The following SLC36A2 variants were observed in gnomAD, a reference collection of about 807,000 sequenced individuals.
SLC36A2 encodes solute carrier family 36 member 2, also known as proton-coupled amino acid transporter 2.
Under a neutral mutation model 42.7 loss-of-function variants are expected in SLC36A2, and 39 were observed. The observed-to-expected ratio is 0.91, with a 90% confidence interval of 0.71 to 1.19. The LOEUF (loss-of-function observed/expected upper bound fraction) is 1.19. Among genes scored for constraint, SLC36A2 ranks in the 50% most tolerant of loss-of-function variants. SLC36A2 has a pLI of 0.00. For missense variants in SLC36A2, 590 were observed against 613.7 expected, an observed-to-expected ratio of 0.96 and a Z score of 0.41; for synonymous variants, 237 against 240.8, an observed-to-expected ratio of 0.98 and a Z score of 0.15.
rs1361190666 is a variant in SLC36A2, at chr5:151,316,867, T to A, written c.1402A>T (p.Lys468Ter). 6.2e-7 allele frequency: 1 copy of A among 1,613,918 alleles called. No individual in the cohort carries two copies. Among genetic ancestry groups the A allele is most frequent in the East Asian group, 2.2e-5 (1 of 44,894 alleles). ...GAAAAGGGGTGAGAGTCTTCTGACT[T>A]GAGCAGCTCGTCCAGGGCCTGGTAG... ...GTYQALDELL[K>*]SEDSHPFSNS... The change falls in exon 10 of 10, where the codon AAG becomes TAG. Residue 468 changes from lysine to a stop codon, truncating the protein, a stop_gained. Coordinates refer to ENST00000335244, the MANE Select transcript of SLC36A2 (RefSeq NM_181776.3). LOFTEE classifies it low-confidence loss of function (END_TRUNC).
At chr5:151,320,081 T>A (rs1755638697) in intron 9 of SLC36A2, among the ~76,000 whole-genome samples, 1 of 152,108 alleles carries the variant, frequency 6.6e-6, no homozygotes, top group Non-Finnish European at 1.5e-5. Context: ...GACTTTTTCT[T>A]TCTTTTTTCT....
intron 7 of SLC36A2, among the ~76,000 whole-genome samples, chr5:151,328,306 G>A (rs1755904204): frequency 6.6e-6 from 1 of 152,168 alleles, no homozygotes; most frequent in Non-Finnish European, 1.5e-5. Context: ...AATAGTAGCA[G>A]GCAGAATGGG....
At chr5:151,320,198 T>C (rs538216567) in intron 9 of SLC36A2, among the ~76,000 whole-genome samples, 65 of 152,306 alleles carry the variant, frequency 4.3e-4, no homozygotes, top group African/African-American at 1.5e-3. Context: ...TAAATGGTTA[T>C]TTGTAATCTG....
intron 9 of SLC36A2, among the ~76,000 whole-genome samples, chr5:151,320,263 T>C (rs1489126506): frequency 6.6e-6 from 1 of 152,192 alleles, no homozygotes; most frequent in African/African-American, 2.4e-5. Flanking sequence ...GTTAGAATAA[T>C]GAATACTAGC....
chr5:151,332,566 A>C (rs560762003), intron 7 of SLC36A2: 2 of 380,682 alleles, frequency 5.3e-6, no homozygotes, highest in Middle Eastern at 7.3e-4. Context: ...GTGCAACAGC[A>C]TGGACGAATT....
At chr5:151,323,948 C>T (rs1051490119) in intron 8 of SLC36A2, among the ~76,000 whole-genome samples, 4 of 152,150 alleles carry the variant, frequency 2.6e-5, no homozygotes, top group Admixed American at 1.3e-4. Context: ...TGTGACTGTC[C>T]GCTTGAGAAG....
At chr5:151,319,580 G>A (rs1393273208) in intron 9 of SLC36A2, 2 of 153,912 alleles carry the variant, frequency 1.3e-5, no homozygotes, top group East Asian at 1.9e-4. Flanking sequence ...GCCTGCAGAG[G>A]GAGAAAGAGT....
intron 9 of SLC36A2, among the ~76,000 whole-genome samples, chr5:151,318,308 A>G (rs1307985293): frequency 6.6e-6 from 1 of 151,654 alleles, no homozygotes; most frequent in Non-Finnish European, 1.5e-5. Context: ...AGCTGTTTGG[A>G]ATATATCAAT....
At chr5:151,332,466 C>T (rs1179962938) in intron 7 of SLC36A2, 1 of 455,810 alleles carries the variant, frequency 2.2e-6, no homozygotes, top group Non-Finnish European at 4.4e-6. Flanking sequence ...CTAGAAACAA[C>T]CCAAATGTTC....
chr5:151,318,530 AT>A (rs1561649160), intron 9 of SLC36A2, among the ~76,000 whole-genome samples: 33 of 143,696 alleles, frequency 2.3e-4, no homozygotes, highest in Non-Finnish European at 3.5e-4. Flanking sequence ...AAATATAATA[AT>A]TATTTATAAA....
chr5:151,326,871 G>A (rs761988560), intron 7 of SLC36A2, among the ~76,000 whole-genome samples: 30 of 147,532 alleles, frequency 2.0e-4, no homozygotes, highest in African/African-American at 7.5e-4. Flanking sequence ...GAGTGCAGTA[G>A]TACAATCACA....
In SLC36A2 at chr5:151,315,081, A is replaced by C. The variant is rs562786488; in HGVS notation, c.*1736T>G. 6.5e-6 allele frequency: 1 copy of C among 152,758 alleles called. No individual in the cohort carries two copies. Among genetic ancestry groups the C allele is most frequent in the South Asian group, 2.1e-4 (1 of 4,820 alleles). 9.5% of individuals were successfully genotyped at this position (152,758 alleles called of 1,614,324 possible). On this transcript the variant is annotated 3_prime_UTR_variant, in exon 10 of 10. Coordinates refer to ENST00000335244, the MANE Select transcript of SLC36A2 (RefSeq NM_181776.3). The stretch of plus-strand genomic sequence containing the variant: ...TGACTGGGGTTGGATATAGTCTAGG[A>C]TGGCTTTACTCGTGTCTGGAAGTTG...
At chr5:151,336,115 C>T (rs985375883) in intron 5 of SLC36A2, among the ~76,000 whole-genome samples, 3 of 152,262 alleles carry the variant, frequency 2.0e-5, no homozygotes, top group African/African-American at 7.2e-5. Flanking sequence ...ATCCATTTCT[C>T]CTGATACCAA....
intron 1 of SLC36A2, 39 bp from the exon 2 acceptor site, chr5:151,344,306 G>T: frequency 6.5e-7 from 1 of 1,540,734 alleles, no homozygotes; most frequent in Non-Finnish European, 9.0e-7. Context: ...TGGGTGTGTG[G>T]AGGTGAGAAG....
rs1756027928 is a variant in SLC36A2 at position 151,332,542 on chromosome 5, G to A, written c.843+682C>T. The A allele has an allele frequency of 7.0e-6, 3 of 427,930 alleles. No homozygotes were observed. The Admixed American group carries it at 8.2e-5, about 12-fold the overall frequency. The allele number at this position is 427,930 out of a possible 1,614,324, so 26.5% of individuals were successfully genotyped here. A position where few individuals can be genotyped will look rare whatever the true frequency, so the allele number is the denominator to read the frequency against. The stretch of plus-strand genomic sequence containing the variant: ...GTGGACGCTCTGCAATAGAAAGCAA[G>A]GTGTTATTGATGTGTGCAACAGCAT... On this transcript the variant is annotated intron_variant, in intron 7 of 9. Transcript: ENST00000335244.
At chr5:151,344,025 T>G (rs777920885) in intron 2 of SLC36A2, 152 bp downstream of exon 2, 26 of 753,782 alleles carry the variant, frequency 3.4e-5, no homozygotes, top group Non-Finnish European at 4.6e-5. Flanking sequence ...GAGCCGGAAC[T>G]CAAACCCAGG....
intron 5 of SLC36A2, among the ~76,000 whole-genome samples, chr5:151,337,621 C>A (rs192772553): frequency 1.0e-3 from 152 of 152,156 alleles, no homozygotes; most frequent in African/African-American, 3.6e-3. Context: ...GTTTTAAGAG[C>A]CTTCAAAACA....
chr5:151,335,498 G>C lies in SLC36A2; in HGVS notation c.575C>G (p.Thr192Arg). Reference protein sequence around the residue: ...STTNNCYSNETVILTPTMDSR... With the variant: ...STTNNCYSNERVILTPTMDSR... ...GTCCATGGTGGGGGTCAGAATCACCGTCTCATTGGAATAGCAGTTGTTGGT... is the reference window on the plus strand; with the variant it reads ...GTCCATGGTGGGGGTCAGAATCACCCTCTCATTGGAATAGCAGTTGTTGGT... Residue 192 changes from threonine to arginine, a missense_variant, in exon 6 of 10, where the codon ACG becomes AGG. Physicochemically the swap from Thr to Arg is moderately conservative, Grantham distance 71. Transcript: ENST00000335244. 1 of 1,614,092 alleles carries C rather than the reference G, an allele frequency of 6.2e-7. No homozygotes were observed. The highest frequency in any genetic ancestry group is 8.5e-7 in the Non-Finnish European group (1 of 1,179,978).
chr5:151,337,633 T>C (rs574226026), intron 5 of SLC36A2, among the ~76,000 whole-genome samples: 2 of 152,236 alleles, frequency 1.3e-5, no homozygotes, highest in South Asian at 4.1e-4. Context: ...TTCAAAACAA[T>C]CAAACTCTTT....
Sources: allele counts gnomAD v4.1 joint callset (sites outside exome capture counted in the v4.1 genomes callset), GRCh38; gene constraint gnomAD v4.1.1; transcripts MANE v1.5; gene names NCBI Gene and HGNC (gene_info 2026-07-23, HGNC 2026-07-21).